The following MAST2 variants were observed in gnomAD, a reference collection of about 807,000 sequenced individuals.
MAST2 encodes microtubule-associated serine/threonine-protein kinase 2.
In MAST2, 70 loss-of-function variants were observed where a neutral mutation model predicts 147.4. That is an observed-to-expected ratio of 0.47 (90% CI 0.39 to 0.58). MAST2 has a LOEUF of 0.58. Ranked by LOEUF, MAST2 falls within the 20% of genes least tolerant of loss-of-function variation. The pLI is 0.00. For synonymous variants in MAST2, 869 were observed against 896.8 expected (o/e 0.97, Z 0.55); for missense variants, 2,080 against 2,302.3 (o/e 0.90, Z 1.98).
In MAST2 at chr1:46,033,745, G is replaced by C. The variant is rs944625257; in HGVS notation, c.3538-57G>C. ...ATGCCAGAAGGGAAGGATTGGGGGA[G>C]GGGAGGGGCAAGAATATGGCTCCAG... On this transcript the variant is annotated intron_variant, in intron 26 of 28. Coordinates refer to ENST00000361297, the MANE Select transcript of MAST2 (RefSeq NM_015112.3). The C allele has an allele frequency of 5.0e-6, 8 of 1,593,070 alleles. No individual in the cohort carries two copies. In the African/African-American group the frequency reaches 1.1e-4, roughly 21 times the overall value.
At position 45,829,390 on chromosome 1, in the gene MAST2, T is replaced by C. The variant is rs771722211; in HGVS notation, c.326-49T>C. On this transcript the variant is annotated intron_variant, in intron 2 of 28. Coordinates refer to ENST00000361297, the MANE Select transcript of MAST2 (RefSeq NM_015112.3). ...CACTGTATTTGTATTTTTTCATTTG[T>C]TTATCAATAAATAATTACATGTATA... 9.8e-6 allele frequency: 15 copies of C among 1,531,694 alleles called. No individual in the cohort carries two copies. The East Asian group carries it at 2.3e-4, about 24-fold the overall frequency. 94.9% of individuals were successfully genotyped at this position (1,531,694 alleles called of 1,614,324 possible).
rs558292694 is a variant in MAST2 at position 45,959,263 on chromosome 1, G to A, written c.501-123G>A. ...CGAGTGTAATTGCTGACCCAGTTCA[G>A]TTTAAAGAAGTATACTGTGCGGCCC... On this transcript the variant is annotated intron_variant, in intron 4 of 28. Transcript: ENST00000361297. 6.6e-5 allele frequency: 43 copies of A among 654,232 alleles called. No homozygotes were observed. The Middle Eastern group carries it at 7.6e-4, about 12-fold the overall frequency. 40.5% of individuals were successfully genotyped at this position (654,232 alleles called of 1,614,324 possible). A position where few individuals can be genotyped will look rare whatever the true frequency, so the allele number is the denominator to read the frequency against.
rs545417980 is a variant in MAST2, at chr1:45,814,760, C to G, written c.178-9673C>G. ...CAAGATCACGCCATTGCACTCCAGC[C>G]TGGGCGACAAGAGCGAAACTCTATC... On this transcript the variant is annotated intron_variant, in intron 1 of 28. Coordinates refer to ENST00000361297, the MANE Select transcript of MAST2 (RefSeq NM_015112.3). 4.5e-4 allele frequency among the ~76,000 whole-genome samples: 69 copies of G among 152,298 alleles called. No homozygotes were observed. The South Asian group carries it at 9.9e-3, about 22-fold the overall frequency.
At position 45,873,625 on chromosome 1, in the gene MAST2, A is replaced by G. The variant is rs190721654; in HGVS notation, c.469-8739A>G. Reference sequence around the variant, plus strand: ...TTTTATCTCAGGTGAACAGGTAAGAATAATGAGGTTTAGAAAGGTTTAATG... The same window carrying G: ...TTTTATCTCAGGTGAACAGGTAAGAGTAATGAGGTTTAGAAAGGTTTAATG... On this transcript the variant is annotated intron_variant, in intron 3 of 28. Coordinates refer to ENST00000361297, the MANE Select transcript of MAST2 (RefSeq NM_015112.3). 2.6e-5 allele frequency among the ~76,000 whole-genome samples: 4 copies of G among 152,328 alleles called. No individual in the cohort carries two copies. In the East Asian group the frequency reaches 7.7e-4, roughly 29 times the overall value.
rs558846561 is a variant in MAST2, at chr1:46,034,102, T to A, written c.3704T>A (p.Ile1235Asn). ...SRKRSSLFRKITKQASLLHTS... is the reference protein window; with the variant it reads ...SRKRSSLFRKNTKQASLLHTS... ...AAAAGGAGCTCCCTGTTCCGCAAGATCACCAAGCAAGCATCCCTGCTCCAC... is the reference window on the plus strand; with the variant it reads ...AAAAGGAGCTCCCTGTTCCGCAAGAACACCAAGCAAGCATCCCTGCTCCAC... The change falls in exon 28 of 29, where the codon ATC becomes AAC. Residue 1235 changes from isoleucine (I) to asparagine (N), a missense_variant. Ile to Asn is a moderately radical substitution (Grantham distance 149). This residue lies in a region of MAST2 where 1,278 missense variants were observed against 1,304.2 expected (regional missense o/e 0.98). Coordinates refer to ENST00000361297, the MANE Select transcript of MAST2 (RefSeq NM_015112.3). The A allele has an allele frequency of 3.5e-5, 57 of 1,613,766 alleles. 1 individual carries two copies. In the South Asian group the frequency reaches 5.6e-4, roughly 16 times the overall value.
chr1:46,030,694 G>A lies in MAST2; in HGVS notation c.2641G>A (p.Asp881Asn), dbSNP rs775260807. The part of the protein sequence containing the change: ...TKRSLSEEKE[D>N]HSDGLAGLKG... ...GCGCAGCCTGAGTGAGGAGAAGGAG[G>A]ACCATTCAGATGGCCTGGCAGGGCT... is the stretch of plus-strand genomic sequence containing the variant. Residue 881 changes from aspartate to asparagine, a missense_variant, in exon 22 of 29, where the codon GAC becomes AAC. Asp to Asn is a conservative substitution (Grantham distance 23). Transcript: ENST00000361297. 6.2e-7 allele frequency: 1 copy of A among 1,607,930 alleles called. No individual in the cohort carries two copies. The highest frequency in any genetic ancestry group is 2.2e-5 in the East Asian group (1 of 44,788).
At chr1:45,948,115 C>G (rs1557948874) in intron 4 of MAST2, among the ~76,000 whole-genome samples, 1 of 152,148 alleles carries the variant, frequency 6.6e-6, no homozygotes, top group Non-Finnish European at 1.5e-5. Context: ...CCAACAGCAG[C>G]CAGGGAGAGA....
At chr1:45,949,982 G>A (rs190899662) in intron 4 of MAST2, among the ~76,000 whole-genome samples, 1 of 152,090 alleles carries the variant, frequency 6.6e-6, no homozygotes, top group African/African-American at 2.4e-5. Flanking sequence ...ACCAAATACC[G>A]CATGTTCTTA....
Position 46,035,669 on chromosome 1 carries a change from G to A in MAST2, c.5000G>A (p.Arg1667Lys), listed in dbSNP as rs1646875280. Reference sequence around the variant, plus strand: ...AAATCCCTTATTGAGGGCCCAGACAGGGCATCCCCAAGCAGAAAGGCAACC... The same window carrying A: ...AAATCCCTTATTGAGGGCCCAGACAAGGCATCCCCAAGCAGAAAGGCAACC... ...SWKSLIEGPD[R>K]ASPSRKATMA... The change falls in exon 29 of 29, where the codon AGG becomes AAG. Residue 1667 changes from arginine to lysine, a missense_variant. Arg to Lys is a conservative substitution (Grantham distance 26, BLOSUM62 2). Transcript: ENST00000361297. This position sits in a 1 kb window ranked among gnomAD's most constrained non-coding sequence, Gnocchi z 5.5. The A allele has an allele frequency of 4.3e-6, 7 of 1,613,996 alleles. No homozygotes were observed. Among genetic ancestry groups the A allele is most frequent in the Non-Finnish European group, 5.9e-6 (7 of 1,180,030 alleles).
At chr1:45,970,738 G>T (rs1169325201) in intron 5 of MAST2, among the ~76,000 whole-genome samples, 1 of 145,426 alleles carries the variant, frequency 6.9e-6, no homozygotes, top group Non-Finnish European at 1.5e-5. Flanking sequence ...CTGTCTGTCT[G>T]TCCAGTTTTG....
At chr1:45,950,630 A>C (rs192448280) in intron 4 of MAST2, among the ~76,000 whole-genome samples, 1 of 152,118 alleles carries the variant, frequency 6.6e-6, no homozygotes. Context: ...CAAACTTAAC[A>C]CTTCTATTAA....
chr1:45,952,142 A>G (rs576642814), intron 4 of MAST2, among the ~76,000 whole-genome samples: 28 of 152,388 alleles, frequency 1.8e-4, no homozygotes, highest in Non-Finnish European at 3.7e-4. Context: ...CAGCAGCAGC[A>G]TCTATGATAA....
At chr1:45,981,668 A>G (rs183954916) in intron 5 of MAST2, among the ~76,000 whole-genome samples, 1 of 152,288 alleles carries the variant, frequency 6.6e-6, no homozygotes, top group Non-Finnish European at 1.5e-5. Flanking sequence ...GCCTAAGCTC[A>G]GAAATGTACA....
intron 4 of MAST2, among the ~76,000 whole-genome samples, chr1:45,912,189 G>A (rs1176781838): frequency 2.6e-5 from 4 of 152,126 alleles, no homozygotes; most frequent in African/African-American, 9.7e-5. Flanking sequence ...TACATGGAGA[G>A]GAAAAGTGAG....
At chr1:45,972,940 T>C (rs1643977695) in intron 5 of MAST2, among the ~76,000 whole-genome samples, 1 of 152,188 alleles carries the variant, frequency 6.6e-6, no homozygotes, top group Non-Finnish European at 1.5e-5. Flanking sequence ...TCTCAAAGCA[T>C]TGGGTCTAGT....
At chr1:46,030,573 G>T in intron 21 of MAST2, 34 bp from the exon 22 acceptor site, 1 of 1,571,498 alleles carries the variant, frequency 6.4e-7, no homozygotes. Flanking sequence ...ACGGCTGCCA[G>T]AGCCCATCCC....
chr1:45,943,671 G>C (rs186533521), intron 4 of MAST2, among the ~76,000 whole-genome samples: 1 of 152,088 alleles, frequency 6.6e-6, no homozygotes, highest in African/African-American at 2.4e-5. Context: ...GCTTGAACCC[G>C]GGAGGCAGAG....
chr1:45,991,290 T>G (rs1416761014), intron 5 of MAST2, among the ~76,000 whole-genome samples: 1 of 152,198 alleles, frequency 6.6e-6, no homozygotes, highest in Non-Finnish European at 1.5e-5. Context: ...TCACTATAGC[T>G]TTATAGTGAG....
At chr1:45,959,509 G>C (rs778356812) in intron 5 of MAST2, 32 bp downstream of exon 5, 3 of 1,581,910 alleles carry the variant, frequency 1.9e-6, no homozygotes, top group Non-Finnish European at 2.6e-6. Context: ...AAGGTTGAAT[G>C]AAAGAGTGGC....
Sources: gnomAD v4.1 joint callset for allele counts (sites outside exome capture counted in the v4.1 genomes callset) on GRCh38, gnomAD v4.1.1 for gene constraint, gnomAD v4.1.1 regional missense constraint, Gnocchi (gnomAD v3.1) non-coding constraint, MANE v1.5 for transcripts, NCBI Gene and HGNC (gene_info 2026-07-23, HGNC 2026-07-21) for gene names.